The following SCNN1B variants were observed in gnomAD, a reference collection of about 807,000 sequenced individuals.
SCNN1B encodes sodium channel epithelial 1 subunit beta, also known as epithelial sodium channel subunit beta.
SCNN1B carries 46 observed loss-of-function variants against 65.3 expected under a neutral mutation model. That is an observed-to-expected ratio of 0.70 (90% CI 0.56 to 0.90). The LOEUF (loss-of-function observed/expected upper bound fraction) is 0.90. SCNN1B is among the 40% of genes least tolerant of loss of function. The pLI, the probability that SCNN1B is intolerant of heterozygous loss-of-function variation, is 0.00. For synonymous variants in SCNN1B, 349 were observed against 330.6 expected (o/e 1.06, Z -0.60); for missense variants, 751 against 830.5 (o/e 0.90, Z 1.18).
At chr16:23,303,917 T>A (rs1961138612) in intron 1 of SCNN1B, 1 of 720,934 alleles carries the variant, frequency 1.4e-6, no homozygotes, top group East Asian at 2.7e-5. Flanking sequence ...AGACTCTGTT[T>A]CAGAAAAATA....
chr16:23,291,998 T>C (rs1960931928), intron 2 of SCNN1B, among the ~76,000 whole-genome samples: 1 of 151,882 alleles, frequency 6.6e-6, no homozygotes, highest in Non-Finnish European at 1.5e-5. Context: ...TGCAACTTGT[T>C]TTTTTCTCTC....
At position 23,319,863 on chromosome 16, in the gene SCNN1B, G is replaced by A. The variant is rs567237494; in HGVS notation, c.-9+17426G>A. Among the ~76,000 whole-genome samples the A allele has an allele frequency of 5.3e-5, 8 of 152,244 alleles. No individual in the cohort carries two copies. The South Asian group carries it at 1.7e-3, about 32-fold the overall frequency. On this transcript the variant is annotated intron_variant, in intron 1 of 12. Coordinates refer to ENST00000343070, the MANE Select transcript of SCNN1B (RefSeq NM_000336.3). ...GCTCACTGCAACCTCCGCTTCCTGG[G>A]TTCAGACAATTCTCCTGCCTCAGCC...
chr16:23,281,642 T>A (rs1960786428), intron 1 of SCNN1B, among the ~76,000 whole-genome samples: 1 of 152,164 alleles, frequency 6.6e-6, no homozygotes, highest in African/African-American at 2.4e-5. Context: ...GGTAGCTAGA[T>A]AATGGGTACA....
chr16:23,320,425 G>T (rs2067196123), intron 1 of SCNN1B, among the ~76,000 whole-genome samples: 1 of 152,180 alleles, frequency 6.6e-6, no homozygotes, highest in South Asian at 2.1e-4. Context: ...GGGCCCCGCA[G>T]TCCACACAAG....
At chr16:23,291,409 A>G (rs1408814133) in intron 2 of SCNN1B, among the ~76,000 whole-genome samples, 1 of 151,512 alleles carries the variant, frequency 6.6e-6, no homozygotes, top group East Asian at 1.9e-4. Context: ...CCAGAATTTG[A>G]TATGTATCCT....
intron 1 of SCNN1B, among the ~76,000 whole-genome samples, chr16:23,280,478 C>T (rs1315418933): frequency 3.3e-5 from 5 of 152,070 alleles, no homozygotes; most frequent in Admixed American, 6.6e-5. Flanking sequence ...CTTGGCCTCC[C>T]GAAGTGCTGG....
chr16:23,339,948 G>A (rs1359024733), intron 1 of SCNN1B, among the ~76,000 whole-genome samples: 4 of 151,954 alleles, frequency 2.6e-5, no homozygotes, highest in Non-Finnish European at 5.9e-5. Flanking sequence ...GGAGAATTCC[G>A]GTTGCTACAC....
At chr16:23,376,810 G>C (rs1303250341) in intron 8 of SCNN1B, among the ~76,000 whole-genome samples, 1 of 151,094 alleles carries the variant, frequency 6.6e-6, no homozygotes, top group Non-Finnish European at 1.5e-5. Flanking sequence ...AAAGAATGCT[G>C]TCAGCCGGAG....
At chr16:23,340,755 T>TGG (rs1962038642) in intron 1 of SCNN1B, among the ~76,000 whole-genome samples, 22 of 152,224 alleles carry the variant, frequency 1.4e-4, no homozygotes, top group Admixed American at 1.4e-3. Context: ...CAGAGCTCCT[T>TGG]AATCCAATGA....
Position 23,362,870 on chromosome 16 carries a change from T to C in SCNN1B, c.777-4986T>C, listed in dbSNP as rs376405072. Among the ~76,000 whole-genome samples the C allele has an allele frequency of 5.3e-5, 8 of 152,314 alleles. No individual in the cohort carries two copies. In the South Asian group the frequency reaches 1.7e-3, roughly 32 times the overall value. ...AGCTGGTTTGCTCTGCTCTGTTCTT[T>C]TCCTGTGGCCACAGCCCTGATCCCA... On this transcript the variant is annotated intron_variant, in intron 4 of 12. Coordinates refer to ENST00000343070, the MANE Select transcript of SCNN1B (RefSeq NM_000336.3).
At chr16:23,321,355 C>G (rs1961583552) in intron 1 of SCNN1B, among the ~76,000 whole-genome samples, 1 of 152,070 alleles carries the variant, frequency 6.6e-6, no homozygotes. Context: ...TTCCTGGACT[C>G]TCAACAGCAT....
intron 1 of SCNN1B, among the ~76,000 whole-genome samples, chr16:23,344,660 A>G (rs1596856067): frequency 6.6e-6 from 1 of 152,174 alleles, no homozygotes; most frequent in East Asian, 1.9e-4. Context: ...TACAGCCATG[A>G]TGGCTTGGGC....
chr16:23,291,877 A>G (rs1486159187), intron 2 of SCNN1B, among the ~76,000 whole-genome samples: 2 of 151,926 alleles, frequency 1.3e-5, no homozygotes, highest in Non-Finnish European at 2.9e-5. Flanking sequence ...TACCGCACCC[A>G]ACCTGTGTCT....
At position 23,305,741 on chromosome 16, in the gene SCNN1B, T is replaced by C. The variant is rs554731425; in HGVS notation, c.-9+3304T>C. Among the ~76,000 whole-genome samples the C allele has an allele frequency of 2.0e-5, 3 of 149,502 alleles. No homozygotes were observed. The South Asian group carries it at 6.4e-4, about 32-fold the overall frequency. ...CAGCTTGGGCAACAGAGTGAGACCC[T>C]GCCTCAAAAAAGGAAAAGAAAGAAA... On this transcript the variant is annotated intron_variant, in intron 1 of 12. Transcript: ENST00000343070.
At chr16:23,363,062 C>G (rs540890899) in intron 4 of SCNN1B, among the ~76,000 whole-genome samples, 1 of 152,330 alleles carries the variant, frequency 6.6e-6, no homozygotes, top group Non-Finnish European at 1.5e-5. Context: ...CTCCAGGAAA[C>G]CTTCCCTGAC....
chr16:23,360,556 T>G (rs921257090), intron 4 of SCNN1B, among the ~76,000 whole-genome samples: 2 of 148,828 alleles, frequency 1.3e-5, no homozygotes, highest in Non-Finnish European at 3.0e-5. Context: ...GAGTAAAATA[T>G]AGAGAGAGAG....
intron 1 of SCNN1B, among the ~76,000 whole-genome samples, chr16:23,327,637 C>T (rs1377037925): frequency 6.6e-6 from 1 of 152,156 alleles, no homozygotes; most frequent in African/African-American, 2.4e-5. Flanking sequence ...TCTGCTCTTG[C>T]ATGTTTAAGG....
At chr16:23,282,871 T>G (rs1052177766) in intron 1 of SCNN1B, among the ~76,000 whole-genome samples, 2 of 152,258 alleles carry the variant, frequency 1.3e-5, no homozygotes, top group Non-Finnish European at 1.5e-5. Flanking sequence ...CTGGGCACAC[T>G]GCCTATGAGG....
chr16:23,357,171 A>G (rs952914849), intron 4 of SCNN1B, among the ~76,000 whole-genome samples: 2 of 152,242 alleles, frequency 1.3e-5, no homozygotes, highest in Admixed American at 1.3e-4. Flanking sequence ...TGGGCACGTG[A>G]CAGGCTTCCA....
Sources: allele counts gnomAD v4.1 joint callset (sites outside exome capture counted in the v4.1 genomes callset), GRCh38; gene constraint gnomAD v4.1.1; transcripts MANE v1.5; gene names NCBI Gene and HGNC (gene_info 2026-07-23, HGNC 2026-07-21).